The following PTPRS variants were observed in gnomAD, a reference collection of about 807,000 sequenced individuals.
PTPRS encodes receptor-type tyrosine-protein phosphatase S.
PTPRS carries 63 observed loss-of-function variants against 215.3 expected under a neutral mutation model. The ratio of observed to expected loss-of-function variants is 0.29; its 90% CI spans 0.24 to 0.36. The LOEUF is 0.36. Ranked by LOEUF, PTPRS falls within the 10% of genes least tolerant of loss-of-function variation. The pLI, the probability that PTPRS is intolerant of heterozygous loss-of-function variation, is 1.00. For synonymous variants in PTPRS, 1,404 were observed against 1,191.4 expected (o/e 1.18, Z -3.68); for missense variants, 2,258 against 2,825.8 (o/e 0.80, Z 4.56).
At chr19:5,228,350 A>G (rs2042700047) in intron 16 of PTPRS, among the ~76,000 whole-genome samples, 1 of 113,198 alleles carries the variant, frequency 8.8e-6, no homozygotes, top group Non-Finnish European at 1.9e-5. Context: ...GTCTGGAGAA[A>G]AAAAAAAAAA....
rs975020242 is a variant in PTPRS at position 5,311,897 on chromosome 19, G to A, written c.-94-25663C>T. ...CTACTAAAAATACAAAAAATTAGCC[G>A]GGCGGGGTGGCAGGCACCTGTAGTC... On this transcript the variant is annotated intron_variant, in intron 1 of 37. Coordinates refer to ENST00000262963, the MANE Select transcript of PTPRS (RefSeq NM_002850.4). 5.9e-5 allele frequency among the ~76,000 whole-genome samples: 9 copies of A among 152,180 alleles called. No individual in the cohort carries two copies. In the East Asian group the frequency reaches 1.2e-3, roughly 20 times the overall value.
At chr19:5,246,183 G>C in intron 9 of PTPRS, 138 bp from the exon 10 acceptor site, 1 of 466,788 alleles carries the variant, frequency 2.1e-6, no homozygotes, top group Non-Finnish European at 3.5e-6. Flanking sequence ...AAGAAAAAAA[G>C]AAAAAAAAAG....
chr19:5,216,560 C>G (rs1298066072), intron 26 of PTPRS, among the ~76,000 whole-genome samples, 160 bp downstream of exon 26: 1 of 152,088 alleles, frequency 6.6e-6, no homozygotes, highest in Non-Finnish European at 1.5e-5. Context: ...CCCAATGGAC[C>G]AACCCCCTGC....
chr19:5,309,143 G>A (rs983170410), intron 1 of PTPRS, among the ~76,000 whole-genome samples: 5 of 152,116 alleles, frequency 3.3e-5, no homozygotes, highest in Non-Finnish European at 7.4e-5. Flanking sequence ...GGGGTGGAGA[G>A]AGAAGGGAGG....
rs779149362 is a variant in PTPRS, at chr19:5,220,302, G to C, written c.3507C>G (p.Phe1169Leu). 2.5e-6 allele frequency: 4 copies of C among 1,614,134 alleles called. No homozygotes were observed. The highest frequency in any genetic ancestry group is 3.4e-6 in the Non-Finnish European group (4 of 1,180,032). The stretch of plus-strand genomic sequence containing the variant: ...CCTCTGGGCTACCCAGCGGGGTCAG[G>C]AATTGGCCTCCACGAGACTTGCGCA... ...VPLRKSRGGQ[F>L]LTPLGSPEDM... The change falls in exon 21 of 38, where the codon TTC (phenylalanine) becomes TTG (leucine). Residue 1169 changes from phenylalanine (F) to leucine (L), a missense_variant. By Grantham distance (22) the Phe-to-Leu change is conservative. Around this residue, in one of 6 missense-constraint regions of PTPRS, gnomAD observed 927 missense variants for 1,125.9 expected, o/e 0.82. Coordinates refer to ENST00000262963, the MANE Select transcript of PTPRS (RefSeq NM_002850.4).
intron 2 of PTPRS, among the ~76,000 whole-genome samples, chr19:5,278,874 G>A (rs1034484170): frequency 6.6e-6 from 1 of 151,926 alleles, no homozygotes; most frequent in Admixed American, 6.6e-5. Context: ...TGTCGCAAAT[G>A]GTACCGTTGT....
chr19:5,330,951 AT>A (rs892613807), intron 1 of PTPRS, among the ~76,000 whole-genome samples: 1 of 151,966 alleles, frequency 6.6e-6, no homozygotes, highest in Non-Finnish European at 1.5e-5. Context: ...ACTTCCAATA[AT>A]CAATGGGGCA....
At chr19:5,303,624 G>A (rs1019798534) in intron 1 of PTPRS, among the ~76,000 whole-genome samples, 8 of 152,004 alleles carry the variant, frequency 5.3e-5, no homozygotes, top group African/African-American at 1.7e-4. Context: ...CCAGAGAGCG[G>A]GCAGAGTGAG....
chr19:5,222,592 G>C (rs1423239246), intron 18 of PTPRS, 97 bp downstream of exon 18: 15 of 1,317,202 alleles, frequency 1.1e-5, no homozygotes, highest in Non-Finnish European at 1.5e-5. Flanking sequence ...AAGCAGAAAA[G>C]TGAGCACTTA....
intron 37 of PTPRS, among the ~76,000 whole-genome samples, chr19:5,207,365 A>G (rs1010098454): frequency 6.6e-6 from 1 of 152,214 alleles, no homozygotes; most frequent in Non-Finnish European, 1.5e-5. Flanking sequence ...GATTACAGGC[A>G]TAAGCCACCA....
rs148478353 is a variant in PTPRS at position 5,208,324 on chromosome 19, G to A, written c.5555C>T (p.Ser1852Leu). 2.0e-4 allele frequency: 322 copies of A among 1,613,932 alleles called. No individual in the cohort carries two copies. The African/African-American group carries it at 4.0e-3, about 20-fold the overall frequency. Reference protein sequence around the residue: ...TDWPEQGVPKSGEGFIDFIGQ... With the variant: ...TDWPEQGVPKLGEGFIDFIGQ... ...AATGAAGTCGATGAAGCCCTCCCCC[G>A]ACTTTGGCACACCCTGTTCCGGCCA... The change falls in exon 36 of 38, where the codon TCG (serine) becomes TTG (leucine). Residue 1852 changes from serine to leucine, a missense_variant. By Grantham distance (145) the Ser-to-Leu change is moderately radical (BLOSUM62 -2). This residue lies in a region of PTPRS where 927 missense variants were observed against 1,125.9 expected (regional missense o/e 0.82). Coordinates refer to ENST00000262963, the MANE Select transcript of PTPRS (RefSeq NM_002850.4).
chr19:5,240,165 C>T, intron 12 of PTPRS, 34 bp downstream of exon 12: 1 of 1,489,306 alleles, frequency 6.7e-7, no homozygotes, highest in South Asian at 1.3e-5. Context: ...GGGAGGAGCC[C>T]AGGGCAGGCC....
At chr19:5,313,446 G>C (rs910309654) in intron 1 of PTPRS, among the ~76,000 whole-genome samples, 5 of 152,316 alleles carry the variant, frequency 3.3e-5, no homozygotes, top group African/African-American at 1.2e-4. Context: ...ATAGGAAACC[G>C]GGTGCTGGGG....
intron 13 of PTPRS, among the ~76,000 whole-genome samples, chr19:5,236,636 G>A (rs1473447365): frequency 5.9e-5 from 9 of 152,232 alleles, no homozygotes; most frequent in Non-Finnish European, 1.0e-4. Context: ...ACCCAGAGAC[G>A]AATCCTGTCC....
chr19:5,264,281 T>C (rs951316754), intron 5 of PTPRS, among the ~76,000 whole-genome samples: 1 of 152,184 alleles, frequency 6.6e-6, no homozygotes. Context: ...CCACTACTCC[T>C]GCCTGTCTGG....
At chr19:5,225,971 G>A (rs1353262910) in intron 16 of PTPRS, 127 bp from the exon 17 acceptor site, 3 of 740,930 alleles carry the variant, frequency 4.0e-6, no homozygotes, top group African/African-American at 3.5e-5. Flanking sequence ...ACGTGCACAT[G>A]AGCTCATGCA....
At chr19:5,216,256 G>A (rs1477523545) in intron 26 of PTPRS, among the ~76,000 whole-genome samples, 1 of 152,146 alleles carries the variant, frequency 6.6e-6, no homozygotes, top group Non-Finnish European at 1.5e-5. Context: ...TGCCGAAGGT[G>A]CTGGGTGTGG....
At position 5,257,802 on chromosome 19, in the gene PTPRS, C is replaced by T. The variant is rs1011705952; in HGVS notation, c.706+215G>A. Among the ~76,000 whole-genome samples the T allele has an allele frequency of 3.9e-5, 6 of 152,326 alleles. No individual in the cohort carries two copies. Among genetic ancestry groups the T allele is most frequent in the Non-Finnish European group, 7.4e-5 (5 of 68,022 alleles). ...CCCACGGGGCATCTCTCGCAAGGCACGAGGAAGGGAATTTAAGCTGCCCCC... is the reference window on the plus strand; with the variant it reads ...CCCACGGGGCATCTCTCGCAAGGCATGAGGAAGGGAATTTAAGCTGCCCCC... On this transcript the variant is annotated intron_variant, in intron 8 of 37. Transcript: ENST00000262963. This position sits in a 1 kb window ranked among gnomAD's most constrained non-coding sequence, Gnocchi z 4.4.
chr19:5,335,060 C>G (rs1487295978), intron 1 of PTPRS, among the ~76,000 whole-genome samples: 1 of 152,194 alleles, frequency 6.6e-6, no homozygotes, highest in East Asian at 1.9e-4. Context: ...CCCCAGAACC[C>G]CTGAATTTCC....
Sources: allele counts gnomAD v4.1 joint callset (sites outside exome capture counted in the v4.1 genomes callset), GRCh38; gene constraint gnomAD v4.1.1; regional missense constraint gnomAD v4.1.1; non-coding constraint Gnocchi (gnomAD v3.1); transcripts MANE v1.5; gene names NCBI Gene and HGNC (gene_info 2026-07-23, HGNC 2026-07-21).